Variants in FRMD4A observed in about 807,000 individuals in gnomAD.
The protein encoded by FRMD4A is FERM domain-containing protein 4A.
FRMD4A carries 29 observed loss-of-function variants against 129.1 expected under a neutral mutation model. That is an observed-to-expected ratio of 0.22 (90% CI 0.17 to 0.31). FRMD4A has a LOEUF of 0.31. Ranked by LOEUF, FRMD4A falls within the 10% of genes least tolerant of loss-of-function variation. The pLI, the probability that FRMD4A is intolerant of heterozygous loss-of-function variation, is 1.00. For synonymous variants in FRMD4A, 634 were observed against 571.6 expected (o/e 1.11, Z -1.56); for missense variants, 1,272 against 1,375.8 (o/e 0.92, Z 1.19).
At chr10:13,920,141 G>C (rs1279804219) in intron 2 of FRMD4A, among the ~76,000 whole-genome samples, 1 of 152,176 alleles carries the variant, frequency 6.6e-6, no homozygotes. Context: ...CAGCAACTGA[G>C]AAGAGTCATC....
At chr10:14,069,369 A>G (rs1445217768) in intron 2 of FRMD4A, among the ~76,000 whole-genome samples, 1 of 152,114 alleles carries the variant, frequency 6.6e-6, no homozygotes, top group Non-Finnish European at 1.5e-5. Flanking sequence ...TGCCTTAGAG[A>G]TGGACTCCTT....
chr10:14,091,945 C>G (rs1040172911), intron 2 of FRMD4A, among the ~76,000 whole-genome samples: 3 of 152,220 alleles, frequency 2.0e-5, no homozygotes, highest in Non-Finnish European at 4.4e-5. Flanking sequence ...CACAGCCATT[C>G]TGGAAAATAC....
chr10:13,935,350 A>G (rs1403779660), intron 2 of FRMD4A, among the ~76,000 whole-genome samples: 1 of 147,448 alleles, frequency 6.8e-6, no homozygotes, highest in Non-Finnish European at 1.5e-5. Context: ...AGGCAGGAGA[A>G]TTCCTTGAAT....
chr10:14,062,160 A>C (rs1834845213), intron 2 of FRMD4A, among the ~76,000 whole-genome samples: 1 of 152,248 alleles, frequency 6.6e-6, no homozygotes, highest in Non-Finnish European at 1.5e-5. Flanking sequence ...TTCAAAAAGA[A>C]GTTGGTTAAA....
intron 2 of FRMD4A, among the ~76,000 whole-genome samples, chr10:14,236,558 A>T (rs554966232): frequency 6.6e-6 from 1 of 152,308 alleles, no homozygotes; most frequent in Admixed American, 6.5e-5. Flanking sequence ...CTGCCCTGCC[A>T]GGGTGCGCTG....
chr10:13,962,937 A>T (rs940144750), intron 2 of FRMD4A, among the ~76,000 whole-genome samples: 2 of 152,232 alleles, frequency 1.3e-5, no homozygotes, highest in Non-Finnish European at 2.9e-5. Context: ...CAGATTCAAG[A>T]ATATTTCATG....
intron 2 of FRMD4A, among the ~76,000 whole-genome samples, chr10:14,109,439 C>T (rs1837760382): frequency 2.0e-5 from 3 of 152,070 alleles, no homozygotes; most frequent in African/African-American, 2.4e-5. Context: ...ATGAGTGTTA[C>T]ACGAAAAAGG....
intron 2 of FRMD4A, among the ~76,000 whole-genome samples, chr10:13,981,688 G>A (rs1439351653): frequency 6.9e-6 from 1 of 145,696 alleles, no homozygotes; most frequent in Non-Finnish European, 1.5e-5. Flanking sequence ...GTAGTGAGCC[G>A]AGATCACGCC....
intron 13 of FRMD4A, among the ~76,000 whole-genome samples, chr10:13,706,279 C>G (rs17153791): frequency 0.061 from 9,316 of 152,220 alleles, 998 homozygotes; most frequent in African/African-American, 0.21. Flanking sequence ...GGGAATTACG[C>G]TGCTGTTTTT....
chr10:13,819,940 T>C (rs2093604792), intron 3 of FRMD4A, among the ~76,000 whole-genome samples: 1 of 152,202 alleles, frequency 6.6e-6, no homozygotes, highest in African/African-American at 2.4e-5. Context: ...GCCAGGCTGG[T>C]CTCGAACTCC....
At chr10:13,910,161 G>C (rs2094926858) in intron 2 of FRMD4A, among the ~76,000 whole-genome samples, 1 of 152,190 alleles carries the variant, frequency 6.6e-6, no homozygotes, top group African/African-American at 2.4e-5. Flanking sequence ...CTTCTGGTTT[G>C]TCTTGGCCAA....
chr10:14,163,295 C>T (rs1415169264), intron 2 of FRMD4A, among the ~76,000 whole-genome samples: 4 of 152,160 alleles, frequency 2.6e-5, no homozygotes, highest in African/African-American at 9.7e-5. Context: ...CAGGTTCATG[C>T]TCTTTGTGTA....
chr10:13,684,767 G>T lies in FRMD4A; in HGVS notation c.1117+9131C>A, dbSNP rs1187258273. The stretch of plus-strand genomic sequence containing the variant: ...CAGAGAAGGGGTGCTTTCCTCTCTG[G>T]AAGGAGGGGAAACTTCAAAGCAAAC... On this transcript the variant is annotated intron_variant, in intron 15 of 24. Coordinates refer to ENST00000357447, the MANE Select transcript of FRMD4A (RefSeq NM_018027.5). 5 of 983,412 alleles carry T rather than the reference G, an allele frequency of 5.1e-6. No homozygotes were observed. In the African/African-American group the frequency reaches 8.8e-5, roughly 17 times the overall value. The allele number at this position is 983,412 out of a possible 1,614,324, so 60.9% of individuals were successfully genotyped here. A position where few individuals can be genotyped will look rare whatever the true frequency, so the allele number is the denominator to read the frequency against.
intron 3 of FRMD4A, among the ~76,000 whole-genome samples, chr10:13,841,613 T>C (rs1165274168): frequency 1.3e-5 from 2 of 152,152 alleles, no homozygotes; most frequent in East Asian, 3.8e-4. Context: ...GTGAAAAGAA[T>C]CAATGTGCCA....
chr10:13,729,671 CA>C (rs1283606983), intron 12 of FRMD4A, among the ~76,000 whole-genome samples: 2 of 152,226 alleles, frequency 1.3e-5, no homozygotes, highest in African/African-American at 4.8e-5. Context: ...TGCTTAGGGA[CA>C]GGGGGGCAGG....
At chr10:14,031,759 A>C (rs529752398) in intron 2 of FRMD4A, among the ~76,000 whole-genome samples, 3,037 of 152,254 alleles carry the variant, frequency 0.02, 89 homozygotes, top group African/African-American at 0.068. Flanking sequence ...CACTTTGGAC[A>C]ACTTTGAGTG....
intron 2 of FRMD4A, among the ~76,000 whole-genome samples, chr10:14,103,345 G>A (rs1311944875): frequency 6.6e-6 from 1 of 152,188 alleles, no homozygotes; most frequent in Non-Finnish European, 1.5e-5. Context: ...CCTGAAACAG[G>A]TAGGGGGTAA....
intron 2 of FRMD4A, among the ~76,000 whole-genome samples, chr10:14,176,634 C>G (rs769150469): frequency 4.6e-5 from 7 of 151,914 alleles, no homozygotes; most frequent in African/African-American, 9.7e-5. Context: ...ACCACCACTC[C>G]CAGCTAATTT....
chr10:13,653,069 C>CG (rs2081804061), intron 23 of FRMD4A: 1 of 152,002 alleles, frequency 6.6e-6, no homozygotes, highest in East Asian at 1.9e-4. Context: ...GTATTTCCCC[C>CG]GCAAGGGGAT....
Sources: gnomAD v4.1 joint callset for allele counts (sites outside exome capture counted in the v4.1 genomes callset) on GRCh38, gnomAD v4.1.1 for gene constraint, MANE v1.5 for transcripts, NCBI Gene and HGNC (gene_info 2026-07-23, HGNC 2026-07-21) for gene names.